RAB1A: variants seen among roughly 807,000 people sequenced by gnomAD.
RAB1A encodes RAB1A, member RAS oncogene family, also known as ras-related protein Rab-1A.
In RAB1A, 2 loss-of-function variants were observed where a neutral mutation model predicts 26.0. The ratio of observed to expected loss-of-function variants is 0.08; its 90% CI spans 0.03 to 0.24. The LOEUF is 0.24. RAB1A is among the 10% of genes least tolerant of loss of function. The pLI, the probability that RAB1A is intolerant of heterozygous loss-of-function variation, is 1.00. For missense variants in RAB1A, 100 were observed against 247.0 expected (o/e 0.40, Z 3.99); for synonymous variants, 84 against 84.9 (o/e 0.99, Z 0.06).
intron 3 of RAB1A, among the ~76,000 whole-genome samples, chr2:65,093,053 T>C (rs1381780253): frequency 1.3e-5 from 2 of 152,204 alleles, no homozygotes; most frequent in Non-Finnish European, 2.9e-5. Flanking sequence ...TAAACCTTTT[T>C]TTTAATAAAT....
At chr2:65,105,825 C>T (rs1045338962) in intron 1 of RAB1A, among the ~76,000 whole-genome samples, 7 of 151,800 alleles carry the variant, frequency 4.6e-5, no homozygotes, top group Admixed American at 2.6e-4. Context: ...TGCAGTGGCG[C>T]GATCTCGGCT....
rs185369627 is a variant in RAB1A, at chr2:65,105,697, T to C, written c.24-891A>G. Among the ~76,000 whole-genome samples the C allele has an allele frequency of 5.0e-3, 762 of 152,236 alleles. 25 individuals carry two copies. The highest frequency in any genetic ancestry group is 0.045 in the Admixed American group (691 of 15,260). On this transcript the variant is annotated intron_variant, in intron 1 of 5. Coordinates refer to ENST00000409784, the MANE Select transcript of RAB1A (RefSeq NM_004161.5). ...AAATGTGATAAATTCACAGGCTGTT[T>C]ATCCAAGTGCAAAACTTGACTAACA... is the stretch of plus-strand genomic sequence containing the variant.
intron 1 of RAB1A, among the ~76,000 whole-genome samples, chr2:65,127,761 T>A (rs1670132876): frequency 6.6e-6 from 1 of 151,834 alleles, no homozygotes; most frequent in Non-Finnish European, 1.5e-5. Flanking sequence ...TGAGACGGAG[T>A]CTTGCTCTGT....
intron 1 of RAB1A, among the ~76,000 whole-genome samples, chr2:65,127,782 G>A (rs1370009360): frequency 6.6e-6 from 1 of 152,074 alleles, no homozygotes; most frequent in Non-Finnish European, 1.5e-5. Flanking sequence ...CGTCCAGGCT[G>A]GAGTGCAGTG....
intron 1 of RAB1A, among the ~76,000 whole-genome samples, chr2:65,129,611 C>T (rs377487967): frequency 1.2e-3 from 188 of 152,154 alleles, no homozygotes; most frequent in African/African-American, 4.2e-3. Flanking sequence ...CCGCCCCAGG[C>T]CCCTCGGCAG....
At chr2:65,122,731 C>G (rs1322043058) in intron 1 of RAB1A, among the ~76,000 whole-genome samples, 1 of 152,054 alleles carries the variant, frequency 6.6e-6, no homozygotes, top group Non-Finnish European at 1.5e-5. Context: ...AATCTCAGCA[C>G]TTTGAGAGGC....
intron 1 of RAB1A, among the ~76,000 whole-genome samples, chr2:65,109,851 C>G (rs1669653131): frequency 6.6e-6 from 1 of 152,110 alleles, no homozygotes; most frequent in African/African-American, 2.4e-5. Flanking sequence ...TCTACTATAA[C>G]CTCATATTTT....
chr2:65,116,405 C>T (rs988288871), intron 1 of RAB1A, among the ~76,000 whole-genome samples: 1 of 152,180 alleles, frequency 6.6e-6, no homozygotes, highest in African/African-American at 2.4e-5. Context: ...TGAGGCTCTA[C>T]TGCATACCAG....
chr2:65,113,207 A>G (rs1669742051), intron 1 of RAB1A, among the ~76,000 whole-genome samples: 1 of 152,236 alleles, frequency 6.6e-6, no homozygotes, highest in Admixed American at 6.5e-5. Context: ...ATTTCAGTTT[A>G]GAGTTCAATT....
At chr2:65,090,871 G>T in intron 4 of RAB1A, 112 bp downstream of exon 4, 2 of 569,872 alleles carry the variant, frequency 3.5e-6, no homozygotes, top group Non-Finnish European at 5.6e-6. Flanking sequence ...AAAGTTTTCT[G>T]CCATAAAATT....
intron 2 of RAB1A, among the ~76,000 whole-genome samples, chr2:65,103,304 A>AAAAAAAAAAAACAAAC (rs757626011): frequency 3.6e-5 from 4 of 112,502 alleles, no homozygotes; most frequent in African/African-American, 6.2e-5. Flanking sequence ...TGTCTCAAAA[A>AAAAAAAAAAAACAAAC]AAAAAAAAAA....
chr2:65,118,165 GTCC>G (rs1461229265), intron 1 of RAB1A, among the ~76,000 whole-genome samples: 214 of 152,304 alleles, frequency 1.4e-3, no homozygotes, highest in African/African-American at 4.8e-3. Flanking sequence ...GTGTTCTGGA[GTCC>G]TTCTGGGAGC....
chr2:65,115,577 T>A (rs531217871), intron 1 of RAB1A, among the ~76,000 whole-genome samples: 18 of 152,128 alleles, frequency 1.2e-4, no homozygotes, highest in Admixed American at 3.9e-4. Context: ...TCCTATAATT[T>A]AAAAAAAATT....
Position 65,098,836 on chromosome 2 carries a change from CT to C in RAB1A, c.97-771del, listed in dbSNP as rs70943624. 6.4e-4 allele frequency among the ~76,000 whole-genome samples: 66 copies of C among 103,382 alleles called. 1 individual carries two copies. The highest frequency in any genetic ancestry group is 1.4e-3 in the Admixed American group (12 of 8,582). 67.8% of individuals were successfully genotyped at this position (103,382 alleles called of 152,430 possible). On this transcript the variant is annotated intron_variant, in intron 2 of 5. Transcript: ENST00000409784. ...CATGTTGTACCATGTAACAGTACTT[CT>C]TTTTTTTTTTTTTTTTGAGGCAGGA... is the stretch of plus-strand genomic sequence containing the variant.
At chr2:65,123,952 C>T (rs1277832698) in intron 1 of RAB1A, among the ~76,000 whole-genome samples, 1 of 151,644 alleles carries the variant, frequency 6.6e-6, no homozygotes. Context: ...GTCTAACATC[C>T]CTCATTTTAA....
At chr2:65,089,219 ATTT>A in intron 4 of RAB1A, 149 bp from the exon 5 acceptor site, 1 of 637,146 alleles carries the variant, frequency 1.6e-6, no homozygotes, top group Non-Finnish European at 2.4e-6. Context: ...GAGTGAAGAG[ATTT>A]TTTTTTTTGA....
intron 3 of RAB1A, among the ~76,000 whole-genome samples, chr2:65,096,090 C>A (rs1669276378): frequency 1.3e-5 from 2 of 151,798 alleles, no homozygotes; most frequent in Non-Finnish European, 2.9e-5. Flanking sequence ...GAGGCGGAGG[C>A]TGCAGCGAGC....
At chr2:65,089,985 G>A (rs1669134257) in intron 4 of RAB1A, among the ~76,000 whole-genome samples, 1 of 152,222 alleles carries the variant, frequency 6.6e-6, no homozygotes, top group African/African-American at 2.4e-5. Flanking sequence ...TTACAGGCGT[G>A]AGCCACTGCG....
rs370144700 is a variant in RAB1A, at chr2:65,098,034, T to C, written c.129A>G (p.Thr43=). The stretch of plus-strand genomic sequence containing the variant: ...TTCTTATTTTGAAATCCACACCAAT[T>C]GTGCTGATGTAGCTTTCTGTATATG... The part of the protein sequence containing the change: ...DDTYTESYIS[T]IGVDFKIRTI... The change falls in exon 3 of 6, where the codon ACA becomes ACG. Residue 43 remains threonine (T), a synonymous_variant. Transcript: ENST00000409784. The C allele has an allele frequency of 5.9e-5, 94 of 1,580,160 alleles. No individual in the cohort carries two copies. In the African/African-American group the frequency reaches 1.2e-3, roughly 19 times the overall value.
Sources: allele counts gnomAD v4.1 joint callset (sites outside exome capture counted in the v4.1 genomes callset), GRCh38; gene constraint gnomAD v4.1.1; transcripts MANE v1.5; gene names NCBI Gene and HGNC (gene_info 2026-07-23, HGNC 2026-07-21).